The following ANKFN1 variants were observed in gnomAD, a reference collection of about 807,000 sequenced individuals.
ANKFN1 encodes ankyrin repeat and fibronectin type-III domain-containing protein 1.
Under a neutral mutation model 108.7 loss-of-function variants are expected in ANKFN1, and 74 were observed. That is an observed-to-expected ratio of 0.68 (90% CI 0.56 to 0.83). The LOEUF (loss-of-function observed/expected upper bound fraction) is 0.83. Among genes scored for constraint, ANKFN1 ranks in the 40% least tolerant of loss-of-function variants. The pLI is 0.00. For synonymous variants in ANKFN1, 547 were observed against 516.2 expected, an observed-to-expected ratio of 1.06 and a Z score of -0.81; for missense variants, 1,505 against 1,382.3, an observed-to-expected ratio of 1.09 and a Z score of -1.41.
chr17:56,256,089 C>T (rs2043350785), intron 3 of ANKFN1, among the ~76,000 whole-genome samples: 2 of 152,048 alleles, frequency 1.3e-5, no homozygotes, highest in Admixed American at 1.3e-4. Flanking sequence ...TGAACCCTGC[C>T]CCAAGAGTGG....
In ANKFN1 at chr17:56,391,366, ATATGTGTGTGTG is replaced by A. The variant is rs774996663; in HGVS notation, c.910+16654_910+16665del. Reference sequence around the variant, plus strand: ...CTTGAAGGCCCAAGAATACATATATATATGTGTGTGTGTGTGTGTGTGTGTGTGTGTGTGTGT... The same window carrying A: ...CTTGAAGGCCCAAGAATACATATATATGTGTGTGTGTGTGTGTGTGTGTGT... On this transcript the variant is annotated intron_variant, in intron 8 of 20. Transcript: ENST00000682825. 1.6e-3 allele frequency among the ~76,000 whole-genome samples: 122 copies of A among 77,534 alleles called. No individual in the cohort carries two copies. The East Asian group carries it at 0.019, about 12-fold the overall frequency. The allele number at this position is 77,534 out of a possible 152,430, so 50.9% of individuals were successfully genotyped here.
chr17:56,117,625 A>G (rs1392005039), intron 4 of ANKFN1, among the ~76,000 whole-genome samples: 1 of 152,184 alleles, frequency 6.6e-6, no homozygotes, highest in African/African-American at 2.4e-5. Flanking sequence ...CACAGGAGAT[A>G]GCCAAGACGA....
intron 1 of ANKFN1, among the ~76,000 whole-genome samples, chr17:56,194,286 CT>C (rs1913291839): frequency 6.6e-6 from 1 of 152,188 alleles, no homozygotes; most frequent in Non-Finnish European, 1.5e-5. Flanking sequence ...GAGTTGGAAA[CT>C]TATATCCACA....
chr17:56,071,259 A>C (rs1447898704), intron 4 of ANKFN1, among the ~76,000 whole-genome samples: 1 of 152,112 alleles, frequency 6.6e-6, no homozygotes, highest in Non-Finnish European at 1.5e-5. Flanking sequence ...TTTTGCTCTC[A>C]TTGCAAAAAC....
At chr17:56,282,045 G>A (rs1361760084) in intron 3 of ANKFN1, among the ~76,000 whole-genome samples, 1 of 152,078 alleles carries the variant, frequency 6.6e-6, no homozygotes, top group Non-Finnish European at 1.5e-5. Flanking sequence ...AATATTTATT[G>A]GAGTCTTATT....
chr17:56,182,005 T>TG (rs1356198306), intron 1 of ANKFN1, among the ~76,000 whole-genome samples: 5 of 152,158 alleles, frequency 3.3e-5, no homozygotes, highest in Non-Finnish European at 5.9e-5. Flanking sequence ...GTCATTGTTT[T>TG]GGGGCATCAC....
intron 3 of ANKFN1, among the ~76,000 whole-genome samples, chr17:56,316,984 C>G (rs1427303352): frequency 6.6e-6 from 1 of 152,188 alleles, no homozygotes; most frequent in Non-Finnish European, 1.5e-5. Flanking sequence ...TGATAAATAA[C>G]ACACGTTTAA....
At chr17:56,162,632 T>G (rs1328068177) in intron 1 of ANKFN1, among the ~76,000 whole-genome samples, 1 of 152,224 alleles carries the variant, frequency 6.6e-6, no homozygotes, top group Non-Finnish European at 1.5e-5. Context: ...ATTCAACATA[T>G]GGATTTGGGT....
chr17:56,377,080 G>A (rs2046966703), intron 8 of ANKFN1, among the ~76,000 whole-genome samples: 5 of 152,208 alleles, frequency 3.3e-5, no homozygotes, highest in Non-Finnish European at 7.3e-5. Flanking sequence ...TGGTTAGAGG[G>A]AAAGTTTACC....
intron 4 of ANKFN1, among the ~76,000 whole-genome samples, chr17:56,105,007 TA>T (rs1905717566): frequency 6.6e-6 from 1 of 151,972 alleles, no homozygotes; most frequent in Non-Finnish European, 1.5e-5. Flanking sequence ...GGAAGAGAAA[TA>T]TGGAAATTGG....
intron 4 of ANKFN1, among the ~76,000 whole-genome samples, chr17:56,135,967 T>C (rs1045307992): frequency 2.0e-5 from 3 of 152,112 alleles, no homozygotes; most frequent in South Asian, 2.1e-4. Context: ...ACAGAGATTG[T>C]AGTGGAGCAT....
intron 3 of ANKFN1, among the ~76,000 whole-genome samples, chr17:56,270,077 GT>G (rs2043754027): frequency 6.6e-6 from 1 of 151,944 alleles, no homozygotes; most frequent in African/African-American, 2.4e-5. Context: ...TTTCTTGTTT[GT>G]TTTTTGTTTT....
At chr17:56,463,289 T>C (rs2049971469) in intron 14 of ANKFN1, among the ~76,000 whole-genome samples, 1 of 152,194 alleles carries the variant, frequency 6.6e-6, no homozygotes, top group Admixed American at 6.5e-5. Flanking sequence ...CAAGGTTACA[T>C]AGATAGGAAG....
intron 8 of ANKFN1, among the ~76,000 whole-genome samples, chr17:56,395,803 C>T (rs150418001): frequency 4.6e-4 from 70 of 152,028 alleles, no homozygotes; most frequent in African/African-American, 1.6e-3. Context: ...GAGCTAAGAT[C>T]GCTCCACTGC....
chr17:56,457,132 G>A, intron 12 of ANKFN1, 125 bp from the exon 13 acceptor site: 2 of 1,134,024 alleles, frequency 1.8e-6, no homozygotes, highest in Non-Finnish European at 2.5e-6. Context: ...TGTAACTAGT[G>A]AACTTATGAT....
chr17:56,250,458 TCC>T (rs1178581130), intron 3 of ANKFN1, among the ~76,000 whole-genome samples: 1 of 152,240 alleles, frequency 6.6e-6, no homozygotes, highest in Non-Finnish European at 1.5e-5. Context: ...ACTGACATGT[TCC>T]TATCCAAAAA....
chr17:56,227,657 A>G (rs900530255), intron 2 of ANKFN1, among the ~76,000 whole-genome samples: 5 of 152,148 alleles, frequency 3.3e-5, no homozygotes, highest in African/African-American at 1.2e-4. Flanking sequence ...AGCATCAAGT[A>G]GTCTTGAAAT....
At chr17:56,220,577 C>G (rs1489674439) in intron 2 of ANKFN1, among the ~76,000 whole-genome samples, 1 of 151,826 alleles carries the variant, frequency 6.6e-6, no homozygotes, top group Non-Finnish European at 1.5e-5. Context: ...GGAGAATCAC[C>G]TAGACCAGGG....
intron 4 of ANKFN1, among the ~76,000 whole-genome samples, chr17:56,103,794 C>G (rs146493679): frequency 1.8e-4 from 28 of 152,268 alleles, no homozygotes; most frequent in African/African-American, 6.3e-4. Flanking sequence ...GGGTTATGTA[C>G]AGAGTTGCAG....
Sources: gnomAD v4.1 joint callset for allele counts (sites outside exome capture counted in the v4.1 genomes callset) on GRCh38, gnomAD v4.1.1 for gene constraint, MANE v1.5 for transcripts, NCBI Gene and HGNC (gene_info 2026-07-23, HGNC 2026-07-21) for gene names.